Variants in TAFA2 observed in about 807,000 individuals in gnomAD.
TAFA2 encodes the protein TAFA chemokine like family member 2.
TAFA2 carries 7 observed loss-of-function variants against 18.8 expected under a neutral mutation model. The ratio of observed to expected loss-of-function variants is 0.37; its 90% CI spans 0.21 to 0.70. The LOEUF is 0.70. TAFA2 is among the 30% of genes least tolerant of loss of function. TAFA2 has a pLI of 0.53. For synonymous variants in TAFA2, 60 were observed against 54.2 expected (o/e 1.11, Z -0.47); for missense variants, 122 against 158.1 (o/e 0.77, Z 1.23).
chr12:62,096,978 T>C (rs1455909637), intron 1 of TAFA2, among the ~76,000 whole-genome samples: 1 of 152,066 alleles, frequency 6.6e-6, no homozygotes, highest in East Asian at 1.9e-4. Context: ...CTCTCTCTCT[T>C]TGATTCCCCA....
intron 1 of TAFA2, among the ~76,000 whole-genome samples, chr12:61,920,385 C>T (rs962380546): frequency 6.6e-6 from 1 of 152,160 alleles, no homozygotes; most frequent in African/African-American, 2.4e-5. Flanking sequence ...TCTCCTCTCC[C>T]AGGGAAGTTT....
At chr12:61,859,310 C>T (rs1047404467) in intron 2 of TAFA2, among the ~76,000 whole-genome samples, 28 of 152,222 alleles carry the variant, frequency 1.8e-4, no homozygotes, top group Admixed American at 9.2e-4. Context: ...TGCGGGAAAC[C>T]GCCCCATGAT....
intron 1 of TAFA2, among the ~76,000 whole-genome samples, chr12:62,213,350 A>C (rs1465044038): frequency 1.3e-5 from 2 of 152,146 alleles, no homozygotes; most frequent in African/African-American, 4.8e-5. Context: ...TAATTATTAA[A>C]AGTATAAGTT....
intron 1 of TAFA2, among the ~76,000 whole-genome samples, chr12:61,908,609 A>T (rs948561095): frequency 6.6e-6 from 1 of 152,152 alleles, no homozygotes; most frequent in African/African-American, 2.4e-5. Context: ...AAGAATATAG[A>T]TTTTTAAAGT....
At chr12:62,199,640 T>TGAA (rs2062663181) in intron 1 of TAFA2, among the ~76,000 whole-genome samples, 1 of 152,098 alleles carries the variant, frequency 6.6e-6, no homozygotes, top group African/African-American at 2.4e-5. Context: ...AACATTGTCT[T>TGAA]TATCGAGTCT....
At chr12:62,144,411 T>G (rs1400157897) in intron 1 of TAFA2, among the ~76,000 whole-genome samples, 1 of 151,672 alleles carries the variant, frequency 6.6e-6, no homozygotes, top group Non-Finnish European at 1.5e-5. Context: ...AAAAAAGAGG[T>G]AAGGTCACCT....
chr12:62,186,416 G>C (rs1348364766), intron 1 of TAFA2, among the ~76,000 whole-genome samples: 1 of 152,120 alleles, frequency 6.6e-6, no homozygotes, highest in Non-Finnish European at 1.5e-5. Flanking sequence ...GCTTTACATA[G>C]TACAGGAGAC....
chr12:62,164,400 T>C (rs1256802591), intron 1 of TAFA2, among the ~76,000 whole-genome samples: 1 of 152,180 alleles, frequency 6.6e-6, no homozygotes. Context: ...TGAGTTGTTT[T>C]TAAATAATTA....
intron 1 of TAFA2, among the ~76,000 whole-genome samples, chr12:61,884,488 C>T (rs979084789): frequency 3.9e-5 from 6 of 152,102 alleles, no homozygotes; most frequent in Non-Finnish European, 4.4e-5. Flanking sequence ...TATTTGTAGT[C>T]GCTCTTTTTT....
chr12:61,932,136 G>A (rs1213516050), intron 1 of TAFA2, among the ~76,000 whole-genome samples: 5 of 152,076 alleles, frequency 3.3e-5, no homozygotes, highest in Non-Finnish European at 7.4e-5. Flanking sequence ...ATGAAAAGCA[G>A]CCAAATGGTA....
intron 1 of TAFA2, among the ~76,000 whole-genome samples, chr12:62,036,030 G>T (rs376100163): frequency 6.6e-6 from 1 of 151,992 alleles, no homozygotes. Flanking sequence ...GTGAGCCACC[G>T]CGCCCGGCCA....
At chr12:61,887,053 T>C (rs1488172261) in intron 1 of TAFA2, among the ~76,000 whole-genome samples, 5 of 152,244 alleles carry the variant, frequency 3.3e-5, no homozygotes, top group Non-Finnish European at 7.3e-5. Context: ...GAGCAGGACC[T>C]GCTCATAATA....
At chr12:61,741,604 T>TA (rs201893016) in intron 4 of TAFA2, among the ~76,000 whole-genome samples, 1,591 of 152,188 alleles carry the variant, frequency 0.01, 41 homozygotes, top group African/African-American at 0.036. Context: ...TTAGAAGAGT[T>TA]ATGGGCCATG....
At chr12:61,747,412 A>G (rs960859651) in intron 4 of TAFA2, among the ~76,000 whole-genome samples, 1 of 147,396 alleles carries the variant, frequency 6.8e-6, no homozygotes, top group African/African-American at 2.6e-5. Flanking sequence ...AGACACATGC[A>G]CACGTATGTT....
rs963587652 is a variant in TAFA2, at chr12:62,120,969, C to T, written c.-2+70290G>A. Among the ~76,000 whole-genome samples, 3 of 152,212 alleles carry T rather than the reference C, an allele frequency of 2.0e-5. No homozygotes were observed. The East Asian group carries it at 5.8e-4, about 29-fold the overall frequency. On this transcript the variant is annotated intron_variant, in intron 1 of 4. Coordinates refer to ENST00000416284, the MANE Select transcript of TAFA2 (RefSeq NM_178539.5). Reference sequence around the variant, plus strand: ...CTCCTGGGTTCAAGCATTCTCCTGCCTCAGCCTCCCGAATAGGTGGGATTA... The same window carrying T: ...CTCCTGGGTTCAAGCATTCTCCTGCTTCAGCCTCCCGAATAGGTGGGATTA...
intron 1 of TAFA2, among the ~76,000 whole-genome samples, chr12:61,965,321 A>G (rs11174259): frequency 0.1 from 15,426 of 151,924 alleles, 855 homozygotes; most frequent in East Asian, 0.22. Flanking sequence ...CCAGACAACC[A>G]AACCTGCCAG....
chr12:62,025,108 T>C (rs139092097), intron 1 of TAFA2, among the ~76,000 whole-genome samples: 6 of 152,234 alleles, frequency 3.9e-5, no homozygotes, highest in African/African-American at 1.4e-4. Context: ...TCTGTATATT[T>C]CTCTGTATCC....
At chr12:62,163,355 T>C (rs2062418568) in intron 1 of TAFA2, among the ~76,000 whole-genome samples, 1 of 146,546 alleles carries the variant, frequency 6.8e-6, no homozygotes, top group Admixed American at 6.7e-5. Context: ...GCTGGGTTTT[T>C]GTTTTTGTTT....
At chr12:61,995,645 T>C (rs1012884028) in intron 1 of TAFA2, among the ~76,000 whole-genome samples, 1 of 152,138 alleles carries the variant, frequency 6.6e-6, no homozygotes, top group Non-Finnish European at 1.5e-5. Context: ...ATGTGCAAGA[T>C]TTAAGGGTAC....
Sources: allele counts gnomAD v4.1 joint callset (sites outside exome capture counted in the v4.1 genomes callset), GRCh38; gene constraint gnomAD v4.1.1; transcripts MANE v1.5; gene names NCBI Gene and HGNC (gene_info 2026-07-23, HGNC 2026-07-21).